Variants in KCNMA1 observed in about 807,000 individuals in gnomAD.
KCNMA1 encodes the protein potassium calcium-activated channel subfamily M alpha 1, also known as Calcium-activated potassium channel subunit alpha-1.
A neutral mutation model predicts 140.0 loss-of-function variants in KCNMA1; 29 were observed. That is an observed-to-expected ratio of 0.21 (90% CI 0.15 to 0.28). The LOEUF (loss-of-function observed/expected upper bound fraction) is 0.28, where lower values mean the gene tolerates loss of function less well. Ranked by LOEUF, KCNMA1 falls within the 10% of genes least tolerant of loss-of-function variation. KCNMA1 has a pLI of 1.00. For missense variants in KCNMA1, 880 were observed against 1,602.2 expected, an observed-to-expected ratio of 0.55 and a Z score of 7.70; for synonymous variants, 612 against 611.9, an observed-to-expected ratio of 1.00 and a Z score of 0.00.
intron 5 of KCNMA1, among the ~76,000 whole-genome samples, chr10:77,153,353 AT>A (rs1360329812): frequency 4.0e-5 from 6 of 151,816 alleles, no homozygotes; most frequent in Non-Finnish European, 8.8e-5. Flanking sequence ...AAATCTTCTG[AT>A]TTCATCTTCT....
chr10:76,961,875 A>G (rs2071626276), intron 20 of KCNMA1, among the ~76,000 whole-genome samples: 1 of 152,102 alleles, frequency 6.6e-6, no homozygotes, highest in Non-Finnish European at 1.5e-5. Context: ...TATGCACTAG[A>G]AAAAAAATGT....
At chr10:77,021,292 T>G (rs1262990869) in intron 16 of KCNMA1, among the ~76,000 whole-genome samples, 1 of 152,212 alleles carries the variant, frequency 6.6e-6, no homozygotes, top group Non-Finnish European at 1.5e-5. Context: ...CTCACACTTC[T>G]CATCTGTAAA....
chr10:77,162,707 G>C (rs1261900379), intron 5 of KCNMA1, among the ~76,000 whole-genome samples: 4 of 152,226 alleles, frequency 2.6e-5, no homozygotes, highest in Non-Finnish European at 5.9e-5. Flanking sequence ...CTAGCAGAAA[G>C]TGTTAAAGCA....
intron 2 of KCNMA1, among the ~76,000 whole-genome samples, chr10:77,330,170 CCACT>C (rs1232534109): frequency 6.6e-6 from 1 of 152,122 alleles, no homozygotes; most frequent in African/African-American, 2.4e-5. Context: ...ACCCACCCAC[CCACT>C]GAGTTCACCA....
At chr10:77,100,585 G>T (rs374993044) in intron 9 of KCNMA1, among the ~76,000 whole-genome samples, 2 of 152,214 alleles carry the variant, frequency 1.3e-5, no homozygotes, top group Non-Finnish European at 2.9e-5. Flanking sequence ...GACTTGGCCA[G>T]TTAGAAAGTT....
chr10:77,289,048 C>T (rs918539465), intron 2 of KCNMA1, among the ~76,000 whole-genome samples: 1 of 152,154 alleles, frequency 6.6e-6, no homozygotes, highest in Non-Finnish European at 1.5e-5. Flanking sequence ...GGACCAAAGC[C>T]CTGCCTAGCA....
At chr10:77,086,418 A>T in intron 11 of KCNMA1, 70 bp downstream of exon 11, 1 of 1,136,666 alleles carries the variant, frequency 8.8e-7, no homozygotes. Flanking sequence ...TCCCCTCAGC[A>T]CAGAGTCAGG....
chr10:77,073,055 T>G, intron 14 of KCNMA1, 42 bp downstream of exon 14: 4 of 1,596,080 alleles, frequency 2.5e-6, no homozygotes, highest in Non-Finnish European at 3.4e-6. Flanking sequence ...CCACGACAAA[T>G]GGAATCCCGA....
chr10:77,581,489 T>A (rs1301611013), intron 1 of KCNMA1, among the ~76,000 whole-genome samples: 1 of 152,124 alleles, frequency 6.6e-6, no homozygotes, highest in African/African-American at 2.4e-5. Context: ...GTATTTTTAG[T>A]AGAGATGGGG....
chr10:77,087,338 T>G (rs1428716829), intron 10 of KCNMA1, among the ~76,000 whole-genome samples: 1 of 152,158 alleles, frequency 6.6e-6, no homozygotes, highest in Non-Finnish European at 1.5e-5. Flanking sequence ...GATAGATAGA[T>G]AGATGTATCA....
intron 1 of KCNMA1, among the ~76,000 whole-genome samples, chr10:77,546,982 T>C (rs1044505235): frequency 1.3e-5 from 2 of 152,168 alleles, no homozygotes; most frequent in Admixed American, 1.3e-4. Context: ...TAATGGCACA[T>C]GGTCAAGACA....
intron 3 of KCNMA1, among the ~76,000 whole-genome samples, chr10:77,229,909 T>C (rs986543712): frequency 7.9e-5 from 12 of 152,202 alleles, no homozygotes; most frequent in East Asian, 1.9e-4. Flanking sequence ...AAGCTAAACA[T>C]TGAATTCCTA....
At chr10:77,106,677 G>C (rs2097204490) in intron 9 of KCNMA1, among the ~76,000 whole-genome samples, 1 of 152,218 alleles carries the variant, frequency 6.6e-6, no homozygotes, top group Non-Finnish European at 1.5e-5. Flanking sequence ...GCCATAAAGA[G>C]AGCCCCAGGC....
chr10:77,555,657 G>T (rs1219333439), intron 1 of KCNMA1, among the ~76,000 whole-genome samples: 2 of 152,190 alleles, frequency 1.3e-5, no homozygotes, highest in Non-Finnish European at 2.9e-5. Flanking sequence ...CCACTCTGGG[G>T]TTAAGAATGA....
intron 9 of KCNMA1, among the ~76,000 whole-genome samples, chr10:77,106,388 A>G (rs961959980): frequency 8.5e-5 from 13 of 152,158 alleles, no homozygotes; most frequent in African/African-American, 2.9e-4. Flanking sequence ...GTTTGAGTGG[A>G]ACTGCCAGGG....
chr10:77,453,140 C>A (rs2154520917), intron 1 of KCNMA1, among the ~76,000 whole-genome samples: 1 of 152,150 alleles, frequency 6.6e-6, no homozygotes, highest in South Asian at 2.1e-4. Flanking sequence ...ACTGGGGATT[C>A]CAGCCTGACC....
chr10:77,127,468 A>G (rs1448192052), intron 5 of KCNMA1, among the ~76,000 whole-genome samples: 2 of 152,182 alleles, frequency 1.3e-5, no homozygotes, highest in East Asian at 1.9e-4. Flanking sequence ...GACTTGTGAT[A>G]CATCTTACCA....
intron 2 of KCNMA1, among the ~76,000 whole-genome samples, chr10:77,258,181 A>G (rs574465259): frequency 6.6e-6 from 1 of 152,356 alleles, no homozygotes; most frequent in East Asian, 1.9e-4. Context: ...TTGGCTTGAA[A>G]AGGTAGCCCT....
Position 76,910,159 on chromosome 10 carries a change from G to C in KCNMA1, c.3017-63C>G, listed in dbSNP as rs969325068. On this transcript the variant is annotated intron_variant, in intron 24 of 27. Coordinates refer to ENST00000286628, the MANE Select transcript of KCNMA1 (RefSeq NM_001161352.2). The stretch of plus-strand genomic sequence containing the variant: ...CACACACAGGCATTGAAGCCAGAGG[G>C]AGACCAGGCTACTGGTTTAGAAATA... The C allele has an allele frequency of 3.2e-6, 5 of 1,577,010 alleles. No homozygotes were observed. The African/African-American group carries it at 5.4e-5, about 17-fold the overall frequency.
Sources: allele counts gnomAD v4.1 joint callset (sites outside exome capture counted in the v4.1 genomes callset), GRCh38; gene constraint gnomAD v4.1.1; transcripts MANE v1.5; gene names NCBI Gene and HGNC (gene_info 2026-07-23, HGNC 2026-07-21).